SAMMSON: variants seen among roughly 807,000 people sequenced by gnomAD.
SAMMSON encodes the protein long intergenic non-protein coding RNA 1212.
chr3:70,019,650 G>A (rs538898094), intron 3 of SAMMSON, among the ~76,000 whole-genome samples: 2 of 152,242 alleles, frequency 1.3e-5, no homozygotes, highest in South Asian at 2.1e-4. Flanking sequence ...TATTCTGCTC[G>A]TCAGTTGATG....
chr3:70,075,469 C>T (rs560139828), intron 4 of SAMMSON: 1 of 152,262 alleles, frequency 6.6e-6, no homozygotes, highest in South Asian at 2.1e-4. Context: ...ATGCTTCATA[C>T]TCCAAACCAA....
chr3:70,433,286 T>A (rs1701430585), intron 2 of SAMMSON, among the ~76,000 whole-genome samples: 1 of 152,128 alleles, frequency 6.6e-6, no homozygotes, highest in African/African-American at 2.4e-5. Context: ...AAGAAATGAG[T>A]AAGAGTTCCT....
At chr3:70,287,665 T>A (rs1171972485) in intron 6 of SAMMSON, among the ~76,000 whole-genome samples, 1 of 152,144 alleles carries the variant, frequency 6.6e-6, no homozygotes, top group Non-Finnish European at 1.5e-5. Flanking sequence ...CTGGTAGAAT[T>A]TGGCTGTGAA....
intron 4 of SAMMSON, among the ~76,000 whole-genome samples, chr3:70,103,322 C>A (rs992202084): frequency 6.6e-6 from 1 of 152,074 alleles, no homozygotes; most frequent in Non-Finnish European, 1.5e-5. Context: ...AATGTGGAGA[C>A]CAGATTGAGG....
At chr3:70,014,911 C>G (rs989435155) in intron 3 of SAMMSON, 1 of 152,066 alleles carries the variant, frequency 6.6e-6, no homozygotes, top group Non-Finnish European at 1.5e-5. Flanking sequence ...TTTTAAAATT[C>G]CTCCCTTAGA....
At chr3:70,390,927 G>T (rs565578074), downstream of SAMMSON, among the ~76,000 whole-genome samples, 2 of 152,268 alleles carry the variant, frequency 1.3e-5, 1 homozygote, top group African/African-American at 4.8e-5. Flanking sequence ...ATTTGTAAGT[G>T]TTTGTTGCCT....
At chr3:70,256,371 A>G (rs1264243260) in intron 6 of SAMMSON, among the ~76,000 whole-genome samples, 1 of 152,208 alleles carries the variant, frequency 6.6e-6, no homozygotes, top group Non-Finnish European at 1.5e-5. Flanking sequence ...TATTATATAA[A>G]CTAATCTCTA....
chr3:70,266,287 G>A (rs977086343), intron 6 of SAMMSON, among the ~76,000 whole-genome samples: 4 of 151,112 alleles, frequency 2.6e-5, no homozygotes. Context: ...TACTTCTAAT[G>A]TCAAATTTTT....
intron 4 of SAMMSON, among the ~76,000 whole-genome samples, chr3:70,185,852 C>T (rs1029870009): frequency 6.6e-6 from 1 of 151,830 alleles, no homozygotes; most frequent in Non-Finnish European, 1.5e-5. Flanking sequence ...TGGTGTGTAC[C>T]TGTAGTCCCA....
intron 4 of SAMMSON, among the ~76,000 whole-genome samples, chr3:70,207,585 C>T (rs964320909): frequency 6.6e-6 from 1 of 151,916 alleles, no homozygotes; most frequent in African/African-American, 2.4e-5. Context: ...TTTCACATCC[C>T]CAATACAACA....
At chr3:70,405,399 T>C (rs1559582335) in intron 2 of SAMMSON, among the ~76,000 whole-genome samples, 1 of 152,184 alleles carries the variant, frequency 6.6e-6, no homozygotes, top group South Asian at 2.1e-4. Context: ...CATAGTATAG[T>C]AGAAGAAGCA....
chr3:70,225,448 T>C (rs1701494699), intron 4 of SAMMSON, among the ~76,000 whole-genome samples: 1 of 152,224 alleles, frequency 6.6e-6, no homozygotes, highest in African/African-American at 2.4e-5. Context: ...GTTCTTTATC[T>C]CAAAAACATT....
chr3:70,198,301 CTT>C (rs1320518838), intron 4 of SAMMSON, among the ~76,000 whole-genome samples: 1 of 152,046 alleles, frequency 6.6e-6, no homozygotes, highest in African/African-American at 2.4e-5. Flanking sequence ...ATGCTAATAA[CTT>C]TGGTTTTCAG....
intron 4 of SAMMSON, among the ~76,000 whole-genome samples, chr3:70,193,971 T>C (rs1701152594): frequency 6.6e-6 from 1 of 152,260 alleles, no homozygotes; most frequent in Non-Finnish European, 1.5e-5. Context: ...ACTTTCGCTC[T>C]ATTAACTTTG....
Position 70,423,159 on chromosome 3 carries a change from A to C in SAMMSON, n.234-39401A>C, listed in dbSNP as rs377382287. 1.3e-4 allele frequency among the ~76,000 whole-genome samples: 20 copies of C among 152,242 alleles called. No individual in the cohort carries two copies. The East Asian group carries it at 2.7e-3, about 21-fold the overall frequency. ...GGAGAAGCACAGACTGAGAAAGATG[A>C]GACAAATAGTAAGAAAGAGCCAGAA... On this transcript the variant is annotated intron_variant and non_coding_transcript_variant, in intron 2 of 3. Transcript: ENST00000641053.
At chr3:70,329,381 C>A (rs1007759941) in intron 7 of SAMMSON, among the ~76,000 whole-genome samples, 5 of 152,172 alleles carry the variant, frequency 3.3e-5, no homozygotes, top group African/African-American at 1.2e-4. Flanking sequence ...TTTTTCAAAA[C>A]ACTTTTGAAT....
intron 1 of SAMMSON, among the ~76,000 whole-genome samples, chr3:70,006,269 G>A (rs1337640694): frequency 6.6e-6 from 1 of 152,162 alleles, no homozygotes; most frequent in Non-Finnish European, 1.5e-5. Context: ...GAGCAGCTGT[G>A]CTCTCACACA....
intron 4 of SAMMSON, among the ~76,000 whole-genome samples, chr3:70,118,404 T>A (rs768985139): frequency 3.6e-4 from 55 of 152,198 alleles, no homozygotes; most frequent in Non-Finnish European, 6.9e-4. Flanking sequence ...TGACCTGAGA[T>A]GTCTGTTAGA....
chr3:70,147,434 T>G (rs1221932989), intron 4 of SAMMSON, among the ~76,000 whole-genome samples: 3 of 152,034 alleles, frequency 2.0e-5, no homozygotes, highest in African/African-American at 4.8e-5. Flanking sequence ...ATAGCTGCAA[T>G]AGTCAAGACT....
Sources: allele counts gnomAD v4.1 joint callset (sites outside exome capture counted in the v4.1 genomes callset), GRCh38; gene constraint gnomAD v4.1.1; transcripts MANE v1.5; gene names NCBI Gene and HGNC (gene_info 2026-07-23, HGNC 2026-07-21).